CERT1: variants seen among roughly 807,000 people sequenced by gnomAD.
CERT1 encodes the protein ceramide transporter 1.
Under a neutral mutation model 87.9 loss-of-function variants are expected in CERT1, and 31 were observed. The ratio of observed to expected loss-of-function variants is 0.35; its 90% CI spans 0.27 to 0.48. The LOEUF is 0.48. CERT1 is among the 20% of genes least tolerant of loss of function. The pLI, the probability that CERT1 is intolerant of heterozygous loss-of-function variation, is 0.99. For synonymous variants in CERT1, 289 were observed against 250.9 expected, an observed-to-expected ratio of 1.15 and a Z score of -1.44; for missense variants, 487 against 758.0, an observed-to-expected ratio of 0.64 and a Z score of 4.20.
intron 1 of CERT1, among the ~76,000 whole-genome samples, chr5:75,506,981 A>G (rs964864987): frequency 6.6e-6 from 1 of 152,184 alleles, no homozygotes; most frequent in Non-Finnish European, 1.5e-5. Flanking sequence ...AAAAATCTCA[A>G]AAACTATCTG....
At chr5:75,409,146 T>C (rs182896872) in intron 8 of CERT1, among the ~76,000 whole-genome samples, 12 of 152,282 alleles carry the variant, frequency 7.9e-5, no homozygotes, top group African/African-American at 2.4e-4. Context: ...AGTTGGTATT[T>C]CTTCCAAAAT....
intron 3 of CERT1, among the ~76,000 whole-genome samples, chr5:75,457,926 G>T (rs1487164825): frequency 2.7e-5 from 4 of 146,122 alleles, no homozygotes; most frequent in East Asian, 2.1e-4. Flanking sequence ...GTGTGTGTGT[G>T]GTGTGTGTGT....
chr5:75,380,976 A>G, intron 16 of CERT1, 96 bp downstream of exon 16: 1 of 1,290,102 alleles, frequency 7.8e-7, no homozygotes. Context: ...AATCTAATGG[A>G]TAAGAACTAA....
At chr5:75,502,449 G>C (rs947313527) in intron 2 of CERT1, among the ~76,000 whole-genome samples, 3 of 151,942 alleles carry the variant, frequency 2.0e-5, no homozygotes, top group African/African-American at 7.2e-5. Context: ...ATAAAAATTA[G>C]GCATGATTTA....
chr5:75,439,794 G>A (rs1349819934), intron 3 of CERT1, among the ~76,000 whole-genome samples: 2 of 151,848 alleles, frequency 1.3e-5, no homozygotes, highest in Admixed American at 6.6e-5. Context: ...TTTAAAATAC[G>A]CAATGGGAAC....
At chr5:75,415,719 C>A (rs1763106236) in intron 7 of CERT1, among the ~76,000 whole-genome samples, 1 of 151,400 alleles carries the variant, frequency 6.6e-6, no homozygotes, top group South Asian at 2.1e-4. Context: ...TAATCTTGAA[C>A]CATTAGTCTA....
At chr5:75,495,867 A>G (rs1460004833) in intron 2 of CERT1, among the ~76,000 whole-genome samples, 2 of 152,168 alleles carry the variant, frequency 1.3e-5, no homozygotes, top group African/African-American at 4.8e-5. Context: ...ACATGCATAC[A>G]TATGTAACTA....
intron 11 of CERT1, 57 bp downstream of exon 11, chr5:75,399,253 G>A: frequency 2.3e-6 from 3 of 1,295,120 alleles, no homozygotes; most frequent in African/African-American, 1.5e-5. Context: ...AACTGGGAAA[G>A]CAGGCTGAAA....
At chr5:75,503,917 A>ATTAAAC (rs1580866991) in intron 2 of CERT1, among the ~76,000 whole-genome samples, 477 of 148,760 alleles carry the variant, frequency 3.2e-3, no homozygotes, top group South Asian at 3.6e-3. Flanking sequence ...TTTAATTTAA[A>ATTAAAC]ATTTTCTTTT....
Position 75,419,329 on chromosome 5 carries a change from T to A in CERT1, c.679+12A>T. On this transcript the variant is annotated intron_variant, in intron 6 of 16. Transcript: ENST00000643780. ...TATTTTATCCAGCTGAGGGGAAAAATGTATTACTTACACTTTTCTTTATTG... is the reference window on the plus strand; with the variant it reads ...TATTTTATCCAGCTGAGGGGAAAAAAGTATTACTTACACTTTTCTTTATTG... 1.3e-6 allele frequency: 2 copies of A among 1,565,868 alleles called. No homozygotes were observed. Among genetic ancestry groups the A allele is most frequent in the Admixed American group, 3.4e-5 (2 of 58,520 alleles).
chr5:75,396,742 A>C (rs1009078249), intron 11 of CERT1, among the ~76,000 whole-genome samples: 2 of 151,784 alleles, frequency 1.3e-5, no homozygotes, highest in African/African-American at 2.4e-5. Flanking sequence ...AAAAAAAAAA[A>C]AAACAAAAAA....
chr5:75,489,728 G>A (rs976017305), intron 2 of CERT1, among the ~76,000 whole-genome samples: 2 of 152,160 alleles, frequency 1.3e-5, no homozygotes, highest in Non-Finnish European at 2.9e-5. Context: ...TAAAAAGTCA[G>A]GAAACAATAG....
chr5:75,409,417 A>G (rs900984240), intron 8 of CERT1, among the ~76,000 whole-genome samples: 7 of 152,386 alleles, frequency 4.6e-5, no homozygotes, highest in Middle Eastern at 3.4e-3. Context: ...CAAAAGTAGC[A>G]AGAAAAAATT....
chr5:75,445,146 A>G (rs1487559394), intron 3 of CERT1, among the ~76,000 whole-genome samples: 1 of 152,236 alleles, frequency 6.6e-6, no homozygotes, highest in Non-Finnish European at 1.5e-5. Flanking sequence ...AAAATCTGCA[A>G]TTACAAACCA....
At chr5:75,485,324 A>AAAAAAAAAAAAAAAAG in intron 2 of CERT1, among the ~76,000 whole-genome samples, 1 of 148,594 alleles carries the variant, frequency 6.7e-6, no homozygotes, top group African/African-American at 2.4e-5. Context: ...AAAAAAAAAA[A>AAAAAAAAAAAAAAAAG]AAAAAAAAAA....
chr5:75,384,375 A>G (rs1761703282), intron 14 of CERT1, among the ~76,000 whole-genome samples: 1 of 152,246 alleles, frequency 6.6e-6, no homozygotes, highest in African/African-American at 2.4e-5. Context: ...CTCTTTAAAA[A>G]TAAAAAGTGC....
At chr5:75,372,953 G>C (rs1258964638), downstream of CERT1, 1 of 152,206 alleles carries the variant, frequency 6.6e-6, no homozygotes, top group African/African-American at 2.4e-5. Flanking sequence ...TTTGAAGTGG[G>C]CAGTCATTTC....
In CERT1 at chr5:75,484,966, G is replaced by T. The variant is rs1229132632; in HGVS notation, c.231+21016C>A. On this transcript the variant is annotated intron_variant, in intron 2 of 16. Transcript: ENST00000643780. ...CTCTCAAGGCCAGACCATATGTTAG[G>T]CCACAAAATAAATCAAAAAATTCAA... 2.6e-5 allele frequency among the ~76,000 whole-genome samples: 4 copies of T among 152,128 alleles called. No homozygotes were observed. The East Asian group carries it at 5.8e-4, about 22-fold the overall frequency.
intron 11 of CERT1, among the ~76,000 whole-genome samples, chr5:75,390,418 C>T (rs904938257): frequency 1.3e-5 from 2 of 151,916 alleles, no homozygotes; most frequent in African/African-American, 4.8e-5. Flanking sequence ...CCTTTTAGTT[C>T]ATTCTTTTAA....
Sources: allele counts gnomAD v4.1 joint callset (sites outside exome capture counted in the v4.1 genomes callset), GRCh38; gene constraint gnomAD v4.1.1; transcripts MANE v1.5; gene names NCBI Gene and HGNC (gene_info 2026-07-23, HGNC 2026-07-21).